The following SLC9A9 variants were observed in gnomAD, a reference collection of about 807,000 sequenced individuals.
SLC9A9 encodes the protein solute carrier family 9 member A9.
In SLC9A9, 62 loss-of-function variants were observed where a neutral mutation model predicts 77.8. The ratio of observed to expected loss-of-function variants is 0.80; its 90% CI spans 0.65 to 0.98. The LOEUF (loss-of-function observed/expected upper bound fraction) is 0.98. SLC9A9 is among the 50% of genes least tolerant of loss of function. SLC9A9 has a pLI of 0.00. For missense variants in SLC9A9, 775 were observed against 774.9 expected, an observed-to-expected ratio of 1.00 and a Z score of 0.00; for synonymous variants, 320 against 283.5, an observed-to-expected ratio of 1.13 and a Z score of -1.29.
chr3:143,384,858 G>T (rs1050342772), intron 12 of SLC9A9, among the ~76,000 whole-genome samples: 2 of 152,218 alleles, frequency 1.3e-5, no homozygotes, highest in Non-Finnish European at 2.9e-5. Context: ...CGATTCGGGA[G>T]GTTCAATGAG....
chr3:143,471,161 G>A (rs943670031), intron 11 of SLC9A9, among the ~76,000 whole-genome samples: 2 of 152,284 alleles, frequency 1.3e-5, no homozygotes, highest in Admixed American at 6.5e-5. Context: ...CATGTGGCAC[G>A]CACGGCACTG....
At chr3:143,800,587 C>T (rs2008523803) in intron 2 of SLC9A9, among the ~76,000 whole-genome samples, 1 of 152,190 alleles carries the variant, frequency 6.6e-6, no homozygotes, top group Non-Finnish European at 1.5e-5. Flanking sequence ...TCTCTCTTTG[C>T]TTTTACCTGG....
intron 15 of SLC9A9, among the ~76,000 whole-genome samples, chr3:143,267,516 C>G (rs967600190): frequency 2.0e-5 from 3 of 151,898 alleles, no homozygotes; most frequent in Admixed American, 6.6e-5. Flanking sequence ...TCACATCTGG[C>G]TAATTTTTGT....
intron 14 of SLC9A9, among the ~76,000 whole-genome samples, chr3:143,335,526 A>G (rs908582294): frequency 6.6e-6 from 1 of 152,198 alleles, no homozygotes; most frequent in Non-Finnish European, 1.5e-5. Context: ...AACATATTAC[A>G]AGGCTATAGT....
chr3:143,574,116 G>A lies in SLC9A9; in HGVS notation c.972C>T (p.Phe324=), dbSNP rs370433310. The A allele has an allele frequency of 1.9e-5, 31 of 1,613,408 alleles. No individual in the cohort carries two copies. In the African/African-American group the frequency reaches 3.1e-4, roughly 16 times the overall value. The change falls in exon 8 of 16, where the codon TTC becomes TTT. Residue 324 remains phenylalanine (F), a synonymous_variant. Transcript: ENST00000316549. The part of the protein sequence containing the change: ...GLFFLLSWSA[F]LSAEAAGLTG... ...TTAGGCCGGCAGCCTCGGCAGACAG[G>A]AAGGCACTCCAAGAAAGCAGGAAAA...
intron 8 of SLC9A9, among the ~76,000 whole-genome samples, chr3:143,559,641 A>G (rs1399590315): frequency 6.6e-6 from 1 of 152,170 alleles, no homozygotes; most frequent in Non-Finnish European, 1.5e-5. Flanking sequence ...AATTTTCTCA[A>G]TAAGTGAAGA....
chr3:143,596,891 G>A (rs1432679464), intron 6 of SLC9A9, among the ~76,000 whole-genome samples: 2 of 151,962 alleles, frequency 1.3e-5, no homozygotes, highest in East Asian at 3.9e-4. Context: ...TGAACCCCTC[G>A]GCTCAAGCAG....
chr3:143,325,604 G>A (rs1309766842), intron 14 of SLC9A9, among the ~76,000 whole-genome samples: 2 of 152,216 alleles, frequency 1.3e-5, no homozygotes, highest in African/African-American at 4.8e-5. Context: ...AAGGGTGAGA[G>A]TGTTGTGCAT....
chr3:143,806,468 C>G (rs562804418), intron 2 of SLC9A9, among the ~76,000 whole-genome samples: 2 of 152,172 alleles, frequency 1.3e-5, no homozygotes, highest in South Asian at 4.1e-4. Context: ...ATTGCCTTCT[C>G]CTCTGCCAGT....
intron 4 of SLC9A9, among the ~76,000 whole-genome samples, chr3:143,774,837 G>A (rs1576717381): frequency 1.3e-5 from 2 of 152,118 alleles, no homozygotes; most frequent in Non-Finnish European, 1.5e-5. Flanking sequence ...GACCCAGTGC[G>A]CTCCCCTGCC....
At chr3:143,613,025 CT>C in intron 6 of SLC9A9, among the ~76,000 whole-genome samples, 1 of 152,300 alleles carries the variant, frequency 6.6e-6, no homozygotes, top group South Asian at 2.1e-4. Flanking sequence ...TTGTAATAGC[CT>C]CCCAATAACA....
At chr3:143,711,035 GGTTTTAAAATAT>G (rs1251675300) in intron 4 of SLC9A9, among the ~76,000 whole-genome samples, 1 of 152,054 alleles carries the variant, frequency 6.6e-6, no homozygotes, top group Non-Finnish European at 1.5e-5. Flanking sequence ...TTTGATTGAT[GGTTTTAAAATAT>G]GTTATTATTA....
At chr3:143,817,866 T>C (rs1354820633) in intron 2 of SLC9A9, among the ~76,000 whole-genome samples, 1 of 152,150 alleles carries the variant, frequency 6.6e-6, no homozygotes, top group Non-Finnish European at 1.5e-5. Context: ...AGGTATTCAC[T>C]GAAGCATTAT....
In SLC9A9 at chr3:143,690,002, G is replaced by T. The variant is rs957460664; in HGVS notation, c.649+3190C>A. On this transcript the variant is annotated intron_variant, in intron 5 of 15. Transcript: ENST00000316549. ...AAATTAAAAATAAAATAAAACAAATGAACATTATTATATATTGACTTGTGG... is the reference window on the plus strand; with the variant it reads ...AAATTAAAAATAAAATAAAACAAATTAACATTATTATATATTGACTTGTGG... Among the ~76,000 whole-genome samples the T allele has an allele frequency of 1.6e-4, 24 of 151,806 alleles. 1 individual carries two copies. In the South Asian group the frequency reaches 2.9e-3, roughly 18 times the overall value.
intron 2 of SLC9A9, among the ~76,000 whole-genome samples, chr3:143,799,621 A>G (rs2008494075): frequency 6.6e-6 from 1 of 152,210 alleles, no homozygotes; most frequent in South Asian, 2.1e-4. Flanking sequence ...CTCCTAAGCC[A>G]TGTCCCATCT....
intron 5 of SLC9A9, among the ~76,000 whole-genome samples, chr3:143,666,699 A>G (rs890939982): frequency 4.3e-4 from 65 of 152,214 alleles, no homozygotes; most frequent in Non-Finnish European, 9.0e-4. Context: ...TAACAGACAG[A>G]GAGCCAAAGC....
chr3:143,505,335 C>A (rs1280607740), intron 9 of SLC9A9, among the ~76,000 whole-genome samples: 1 of 152,172 alleles, frequency 6.6e-6, no homozygotes, highest in South Asian at 2.1e-4. Flanking sequence ...CAGACAAATT[C>A]TGTTTTGCCC....
intron 4 of SLC9A9, among the ~76,000 whole-genome samples, chr3:143,713,673 A>T (rs1387504326): frequency 6.6e-6 from 1 of 152,218 alleles, no homozygotes; most frequent in Non-Finnish European, 1.5e-5. Flanking sequence ...ATAACAGAAA[A>T]CAGGTACATG....
At chr3:143,806,483 A>G (rs1559806972) in intron 2 of SLC9A9, among the ~76,000 whole-genome samples, 2 of 152,138 alleles carry the variant, frequency 1.3e-5, no homozygotes, top group Admixed American at 6.5e-5. Flanking sequence ...GCCAGTGCCT[A>G]GCAAATTGCT....
Sources: gnomAD v4.1 joint callset for allele counts (sites outside exome capture counted in the v4.1 genomes callset) on GRCh38, gnomAD v4.1.1 for gene constraint, MANE v1.5 for transcripts, NCBI Gene and HGNC (gene_info 2026-07-23, HGNC 2026-07-21) for gene names.